MGAM: variants seen among roughly 807,000 people sequenced by gnomAD.
The protein encoded by MGAM is alpha-1,4-glucosidase.
A neutral mutation model predicts 358.8 loss-of-function variants in MGAM; 253 were observed. The ratio of observed to expected loss-of-function variants is 0.71; its 90% confidence interval spans 0.64 to 0.78. The LOEUF (loss-of-function observed/expected upper bound fraction) is 0.78, where lower values mean the gene tolerates loss of function less well. MGAM is among the 30% of genes least tolerant of loss of function. MGAM has a pLI of 0.00. For synonymous variants in MGAM, 1,105 were observed against 1,227.1 expected (o/e 0.90, Z 2.08); for missense variants, 3,080 against 3,432.6 (o/e 0.90, Z 2.57).
intron 34 of MGAM, among the ~76,000 whole-genome samples, chr7:142,061,895 C>T (rs1812238549): frequency 2.0e-5 from 3 of 152,182 alleles, no homozygotes; most frequent in African/African-American, 7.2e-5. Context: ...AAACTTCTTA[C>T]TCTCAAAAAT....
At chr7:142,016,746 C>T (rs1284430260) in intron 3 of MGAM, among the ~76,000 whole-genome samples, 1 of 152,112 alleles carries the variant, frequency 6.6e-6, no homozygotes, top group Admixed American at 6.5e-5. Context: ...CCATGAACCA[C>T]CACAGCCAGC....
At chr7:142,021,480 T>G (rs1806450131) in intron 5 of MGAM, 106 bp from the exon 6 acceptor site, 20 of 1,106,416 alleles carry the variant, frequency 1.8e-5, no homozygotes, top group Non-Finnish European at 2.3e-5. Context: ...ACCTAAGATA[T>G]GAGGTCAGTT....
intron 4 of MGAM, among the ~76,000 whole-genome samples, chr7:142,020,603 A>ATTTT (rs35169560): frequency 8.3e-5 from 11 of 132,620 alleles, no homozygotes; most frequent in African/African-American, 2.9e-4. Flanking sequence ...ATATATATAT[A>ATTTT]TTTTTTTTTT....
At chr7:142,041,964 T>TATATATTATATATATATAATATAATATAC (rs1808732264) in intron 21 of MGAM, among the ~76,000 whole-genome samples, 1 of 24,712 alleles carries the variant, frequency 4.0e-5, no homozygotes, top group Non-Finnish European at 7.5e-5. Flanking sequence ...ATATAATATA[T>TATATATTATATATATATAATATAATATAC]ATATATTATA....
Position 142,065,864 on chromosome 7 carries a change from T to A in MGAM, c.4770+33T>A. 2 of 1,433,024 alleles carry A rather than the reference T, an allele frequency of 1.4e-6. 1 individual carries two copies. Among genetic ancestry groups the A allele is most frequent in the Non-Finnish European group, 2.0e-6 (2 of 1,025,186 alleles). The allele number at this position is 1,433,024 out of a possible 1,614,324, so 88.8% of individuals were successfully genotyped here. The stretch of plus-strand genomic sequence containing the variant: ...AGTGGCTTCTACCTCCACTGTTTTA[T>A]GTCACTTGAAAGACAGTCTCCATTT... On this transcript the variant is annotated intron_variant, in intron 40 of 70. Coordinates refer to ENST00000475668, the MANE Select transcript of MGAM (RefSeq NM_001365693.1).
At chr7:142,103,671 C>A (rs1483574554) in intron 70 of MGAM, among the ~76,000 whole-genome samples, 1 of 152,176 alleles carries the variant, frequency 6.6e-6, no homozygotes, top group Non-Finnish European at 1.5e-5. Context: ...TTCTTGTCTG[C>A]AAACCTATGT....
chr7:142,021,680 A>G lies in MGAM; in HGVS notation c.653A>G (p.Glu218Gly). 6.2e-7 allele frequency: 1 copy of G among 1,613,948 alleles called. No homozygotes were observed. Among genetic ancestry groups the G allele is most frequent in the Non-Finnish European group, 8.5e-7 (1 of 1,179,838 alleles). ...GCTGCTTCTTTGACCTACCAAGTTG[A>G]AATCTCCAGACAGCCATTTAGCATC... ...NAAASLTYQV[E>G]ISRQPFSIKV... Residue 218 changes from glutamate to glycine, a missense_variant, in exon 6 of 71, where the codon GAA becomes GGA. By Grantham distance (98) the Glu-to-Gly change is moderately conservative (BLOSUM62 -2). Around this residue, in one of 5 missense-constraint regions of MGAM, gnomAD observed 1,816 missense variants for 1,840.5 expected, o/e 0.99. Transcript: ENST00000475668.
At position 142,088,465 on chromosome 7, in the gene MGAM, G is replaced by A. The variant is rs1391436938; in HGVS notation, c.6810+1748G>A. Among the ~76,000 whole-genome samples the A allele has an allele frequency of 1.4e-5, 2 of 144,094 alleles. 1 individual carries two copies. The highest frequency in any genetic ancestry group is 3.1e-5 in the Non-Finnish European group (2 of 63,954). 94.5% of individuals were successfully genotyped at this position (144,094 alleles called of 152,430 possible). The stretch of plus-strand genomic sequence containing the variant: ...TGTATGTATGTATGTATGTATGTAC[G>A]TATCTATCTATCTACCTATCTCAGT... On this transcript the variant is annotated intron_variant, in intron 57 of 70. Transcript: ENST00000475668.
chr7:142,055,426 G>GT, intron 27 of MGAM, 132 bp from the exon 28 acceptor site: 4 of 1,079,046 alleles, frequency 3.7e-6, no homozygotes, highest in Non-Finnish European at 5.5e-6. Flanking sequence ...ATCAAATTGA[G>GT]TTTCAGTTTT....
At position 142,078,270 on chromosome 7, in the gene MGAM, G is replaced by A. The variant is rs1422965193; in HGVS notation, c.5494-48G>A. On this transcript the variant is annotated intron_variant, in intron 47 of 70. Coordinates refer to ENST00000475668, the MANE Select transcript of MGAM (RefSeq NM_001365693.1). ...TAAATAAAGTCTTAGATTTTGCAAG[G>A]CCTTTCTCCCAAAGATGAATTTCCT... 2.3e-6 allele frequency: 3 copies of A among 1,325,184 alleles called. 1 individual carries two copies. The Admixed American group carries it at 7.9e-5, about 35-fold the overall frequency. 82.1% of individuals were successfully genotyped at this position (1,325,184 alleles called of 1,614,324 possible).
intron 58 of MGAM, 27 bp downstream of exon 58, chr7:142,092,074 C>T: frequency 1.3e-6 from 2 of 1,542,790 alleles, no homozygotes; most frequent in Non-Finnish European, 1.8e-6. Flanking sequence ...CTCTGTGTAC[C>T]AGTGACACTT....
At chr7:142,021,216 C>T (rs1381864831) in intron 5 of MGAM, 133 bp downstream of exon 5, 7 of 640,044 alleles carry the variant, frequency 1.1e-5, no homozygotes, top group Non-Finnish European at 1.9e-5. Flanking sequence ...TAATTAGCAC[C>T]TGTATGTTAA....
In MGAM at chr7:142,025,081, T is replaced by G. The variant is rs373438553; in HGVS notation, c.914T>G (p.Phe305Cys). 6.2e-7 allele frequency: 1 copy of G among 1,613,696 alleles called. No homozygotes were observed. Among genetic ancestry groups the G allele is most frequent in the Non-Finnish European group, 8.5e-7 (1 of 1,179,738 alleles). ...ACTAATTTGTATGGTGCGCAGACAT[T>G]CTTCTTGTGCCTTGAAGATGCTAGT... ...NGTNLYGAQTFFLCLEDASGL... is the reference protein window; with the variant it reads ...NGTNLYGAQTCFLCLEDASGL... The change falls in exon 8 of 71, where the codon TTC becomes TGC. Residue 305 changes from phenylalanine to cysteine, a missense_variant. Phe to Cys is a radical substitution (Grantham distance 205, BLOSUM62 -2). Coordinates refer to ENST00000475668, the MANE Select transcript of MGAM (RefSeq NM_001365693.1).
At chr7:141,994,135 C>A (rs570111117), upstream of MGAM, among the ~76,000 whole-genome samples, 1 of 152,242 alleles carries the variant, frequency 6.6e-6, no homozygotes, top group African/African-American at 2.4e-5. Flanking sequence ...CTCAGCCTCC[C>A]AAAGTGCTGG....
chr7:142,050,968 T>G, intron 24 of MGAM, 104 bp downstream of exon 24: 1 of 1,480,374 alleles, frequency 6.8e-7, no homozygotes, highest in Non-Finnish European at 9.3e-7. Flanking sequence ...CAGGGCACCT[T>G]TGAGGCCTGT....
intron 22 of MGAM, among the ~76,000 whole-genome samples, chr7:142,048,500 C>A (rs1489711786): frequency 1.9e-5 from 1 of 52,178 alleles, no homozygotes; most frequent in Non-Finnish European, 7.1e-5. Flanking sequence ...GGTTTCAAGA[C>A]TGTTCCCGTA....
rs1394910584 is a variant in MGAM at position 142,086,135 on chromosome 7, G to A, written c.6637-83G>A. The A allele has an allele frequency of 1.5e-5, 21 of 1,420,934 alleles. 2 individuals are homozygous for A. The highest frequency in any genetic ancestry group is 9.7e-5 in the African/African-American group (7 of 72,396). The allele number at this position is 1,420,934 out of a possible 1,614,324, so 88.0% of individuals were successfully genotyped here. ...AGTTCAGGTAGAAGCCAACAAGTTC[G>A]CCCTGGAGGAGTTCTCCTTCATTCT... On this transcript the variant is annotated intron_variant, in intron 55 of 70. Coordinates refer to ENST00000475668, the MANE Select transcript of MGAM (RefSeq NM_001365693.1).
chr7:142,050,125 G>T (rs911464706), intron 22 of MGAM, 110 bp from the exon 23 acceptor site: 2 of 993,818 alleles, frequency 2.0e-6, no homozygotes, highest in African/African-American at 1.6e-5. Context: ...TAAGGAAAAG[G>T]AAAACTGCTA....
intron 53 of MGAM, 106 bp from the exon 54 acceptor site, chr7:142,084,413 G>A (rs1335705458): frequency 1.2e-5 from 15 of 1,275,946 alleles, no homozygotes; most frequent in Non-Finnish European, 1.7e-5. Flanking sequence ...AATTCAATTA[G>A]TTAGTTGTCT....
Sources: allele counts gnomAD v4.1 joint callset (sites outside exome capture counted in the v4.1 genomes callset), GRCh38; gene constraint gnomAD v4.1.1; regional missense constraint gnomAD v4.1.1; transcripts MANE v1.5; gene names NCBI Gene and HGNC (gene_info 2026-07-23, HGNC 2026-07-21).